Variants in TRPC4 observed in about 807,000 individuals in gnomAD.
TRPC4 encodes the protein transient receptor potential cation channel subfamily C member 4.
Under a neutral mutation model 99.4 loss-of-function variants are expected in TRPC4, and 49 were observed. The observed-to-expected ratio is 0.49, with a 90% CI of 0.39 to 0.63. TRPC4 has a LOEUF of 0.63. Among genes scored for constraint, TRPC4 ranks in the 20% least tolerant of loss-of-function variants. TRPC4 has a pLI of 0.00. For synonymous variants in TRPC4, 454 were observed against 425.9 expected (o/e 1.07, Z -0.81); for missense variants, 898 against 1,152.9 (o/e 0.78, Z 3.20).
At chr13:37,640,018 T>A (rs1951667826) in intron 8 of TRPC4, among the ~76,000 whole-genome samples, 1 of 151,778 alleles carries the variant, frequency 6.6e-6, no homozygotes, top group Admixed American at 6.6e-5. Flanking sequence ...CATTATGAGT[T>A]GAGTGAAATA....
chr13:37,644,675 C>G (rs1951815799), intron 8 of TRPC4, among the ~76,000 whole-genome samples: 1 of 151,814 alleles, frequency 6.6e-6, no homozygotes, highest in African/African-American at 2.4e-5. Context: ...TCAAGACCAT[C>G]CTGGCTAACA....
rs1376834338 is a variant in TRPC4, at chr13:37,779,480, T to G, written c.378+3476A>C. Among the ~76,000 whole-genome samples the G allele has an allele frequency of 2.6e-5, 4 of 151,900 alleles. No homozygotes were observed. The East Asian group carries it at 7.8e-4, about 30-fold the overall frequency. On this transcript the variant is annotated intron_variant, in intron 2 of 10. Transcript: ENST00000379705. ...GATTTATGAAGGACTACCTTAAATATGAAAGAAAATATTTAATGATCTATA... is the reference window on the plus strand; with the variant it reads ...GATTTATGAAGGACTACCTTAAATAGGAAAGAAAATATTTAATGATCTATA...
At chr13:37,813,526 A>G (rs1275829419) in intron 1 of TRPC4, among the ~76,000 whole-genome samples, 1 of 151,856 alleles carries the variant, frequency 6.6e-6, no homozygotes. Context: ...GATGCAAATT[A>G]TGAAAATTAA....
intron 3 of TRPC4, among the ~76,000 whole-genome samples, chr13:37,707,410 G>T (rs140005623): frequency 2.0e-4 from 31 of 152,182 alleles, no homozygotes; most frequent in African/African-American, 7.2e-4. Context: ...ATAAACTTCT[G>T]TAATACAATC....
At chr13:37,836,320 A>G (rs1014340310) in intron 1 of TRPC4, among the ~76,000 whole-genome samples, 8 of 152,182 alleles carry the variant, frequency 5.3e-5, no homozygotes. Context: ...AAAATGTGGA[A>G]GCAACTTTGG....
intron 1 of TRPC4, among the ~76,000 whole-genome samples, chr13:37,857,068 A>G (rs1391243563): frequency 1.3e-5 from 2 of 151,694 alleles, no homozygotes; most frequent in African/African-American, 4.8e-5. Flanking sequence ...TGATAAACAA[A>G]TTCAATAAAC....
chr13:37,741,261 C>T (rs990629181), intron 3 of TRPC4, among the ~76,000 whole-genome samples: 2 of 152,112 alleles, frequency 1.3e-5, no homozygotes, highest in African/African-American at 4.8e-5. Flanking sequence ...AGTAATCTTA[C>T]AAATATTAGG....
intron 1 of TRPC4, among the ~76,000 whole-genome samples, chr13:37,826,927 G>T (rs1050494045): frequency 6.6e-6 from 1 of 151,962 alleles, no homozygotes; most frequent in Non-Finnish European, 1.5e-5. Flanking sequence ...ACGTAGATTT[G>T]GTCTTTTCAC....
At chr13:37,862,286 G>A (rs773634526) in intron 1 of TRPC4, among the ~76,000 whole-genome samples, 2 of 151,464 alleles carry the variant, frequency 1.3e-5, no homozygotes, top group Non-Finnish European at 3.0e-5. Flanking sequence ...GGTAACATGT[G>A]ACTGTAACAC....
intron 1 of TRPC4, among the ~76,000 whole-genome samples, chr13:37,839,547 A>C (rs1029317340): frequency 3.3e-5 from 5 of 152,216 alleles, no homozygotes; most frequent in Admixed American, 1.3e-4. Context: ...ATAAATCATT[A>C]GATATTATCC....
chr13:37,793,891 A>C (rs2139399963), intron 1 of TRPC4, among the ~76,000 whole-genome samples: 2 of 152,278 alleles, frequency 1.3e-5, no homozygotes, highest in South Asian at 4.1e-4. Flanking sequence ...GTTGTGTGGT[A>C]AAAGGCAGGT....
chr13:37,636,653 G>A lies in TRPC4; in HGVS notation c.*250C>T, dbSNP rs1951526568. The A allele has an allele frequency of 2.7e-6, 1 of 363,892 alleles. No homozygotes were observed. Among genetic ancestry groups the A allele is most frequent in the Non-Finnish European group, 4.9e-6 (1 of 204,902 alleles). 22.5% of individuals were successfully genotyped at this position (363,892 alleles called of 1,614,324 possible). ...TCTGTGGGTTATTGCAACAGTACAAGAATACAAGGTGCATTTATTTATTAA... is the reference window on the plus strand; with the variant it reads ...TCTGTGGGTTATTGCAACAGTACAAAAATACAAGGTGCATTTATTTATTAA... On this transcript the variant is annotated 3_prime_UTR_variant, in exon 11 of 11. Coordinates refer to ENST00000379705, the MANE Select transcript of TRPC4 (RefSeq NM_016179.4).
At chr13:37,652,984 C>T (rs1006690953) in intron 7 of TRPC4, among the ~76,000 whole-genome samples, 1 of 152,198 alleles carries the variant, frequency 6.6e-6, no homozygotes, top group South Asian at 2.1e-4. Context: ...CACCTTCTAA[C>T]TCCTAGTCAA....
chr13:37,842,894 G>T (rs1375507993), intron 1 of TRPC4, among the ~76,000 whole-genome samples: 2 of 152,176 alleles, frequency 1.3e-5, no homozygotes, highest in Non-Finnish European at 2.9e-5. Context: ...CCTAGACGCT[G>T]TACAGCTGTA....
rs55917088 is a variant in TRPC4, at chr13:37,842,336, G to A, written c.-28+27259C>T. 5.0e-3 allele frequency among the ~76,000 whole-genome samples: 372 copies of A among 75,042 alleles called. 3 individuals carry two copies. Among genetic ancestry groups the A allele is most frequent in the African/African-American group, 0.018 (317 of 17,376 alleles). 49.2% of individuals were successfully genotyped at this position (75,042 alleles called of 152,430 possible). A position where few individuals can be genotyped will look rare whatever the true frequency, so the allele number is the denominator to read the frequency against. On this transcript the variant is annotated intron_variant, in intron 1 of 10. Coordinates refer to ENST00000379705, the MANE Select transcript of TRPC4 (RefSeq NM_016179.4). ...GTGGTTTCTAGCAATTAATGATAGC[G>A]TCTAGCCAAAAAAAAAAAAAAAAAA...
At chr13:37,803,188 T>C (rs1256557169) in intron 1 of TRPC4, among the ~76,000 whole-genome samples, 1 of 152,076 alleles carries the variant, frequency 6.6e-6, no homozygotes, top group Admixed American at 6.6e-5. Flanking sequence ...TCACTTTCTG[T>C]CACTACAAGA....
chr13:37,859,133 G>A (rs1959201290), intron 1 of TRPC4, among the ~76,000 whole-genome samples: 1 of 150,990 alleles, frequency 6.6e-6, no homozygotes, highest in African/African-American at 2.4e-5. Flanking sequence ...GATAGGACAT[G>A]GTGAAAAAAG....
intron 2 of TRPC4, among the ~76,000 whole-genome samples, chr13:37,772,192 CAGTT>C (rs545293676): frequency 1.3e-5 from 2 of 151,700 alleles, no homozygotes; most frequent in East Asian, 1.9e-4. Flanking sequence ...CTCACACACA[CAGTT>C]AGTGTATGGA....
intron 8 of TRPC4, among the ~76,000 whole-genome samples, chr13:37,645,646 A>G (rs952881830): frequency 2.6e-5 from 4 of 152,178 alleles, no homozygotes; most frequent in African/African-American, 9.7e-5. Flanking sequence ...CCGGGATGTG[A>G]TCCCTTTACA....
Sources: allele counts gnomAD v4.1 joint callset (sites outside exome capture counted in the v4.1 genomes callset), GRCh38; gene constraint gnomAD v4.1.1; transcripts MANE v1.5; gene names NCBI Gene and HGNC (gene_info 2026-07-23, HGNC 2026-07-21).